Variants in FER observed in about 807,000 individuals in gnomAD.
FER encodes the protein tyrosine-protein kinase Fer.
In FER, 63 loss-of-function variants were observed where a neutral mutation model predicts 111.0. The ratio of observed to expected loss-of-function variants is 0.57; its 90% confidence interval spans 0.46 to 0.70. The LOEUF is 0.70. Among genes scored for constraint, FER ranks in the 30% least tolerant of loss-of-function variants. The pLI, the probability that FER is intolerant of heterozygous loss-of-function variation, is 0.00. For synonymous variants in FER, 327 were observed against 313.9 expected, an observed-to-expected ratio of 1.04 and a Z score of -0.44; for missense variants, 914 against 954.0, an observed-to-expected ratio of 0.96 and a Z score of 0.55.
intron 1 of FER, among the ~76,000 whole-genome samples, chr5:108,754,406 CAAAAAAA>C (rs34475850): frequency 2.3e-5 from 2 of 86,536 alleles, no homozygotes; most frequent in East Asian, 5.2e-4. Context: ...GTCCCTGTCT[CAAAAAAA>C]AAAAAAAAAA....
intron 2 of FER, among the ~76,000 whole-genome samples, chr5:108,790,016 C>T (rs1231254085): frequency 6.6e-6 from 1 of 152,110 alleles, no homozygotes; most frequent in Admixed American, 6.6e-5. Context: ...ATATCAGATA[C>T]AGTTTTTTTT....
chr5:108,858,785 T>C (rs1257292116), intron 5 of FER, among the ~76,000 whole-genome samples: 2 of 139,554 alleles, frequency 1.4e-5, no homozygotes, highest in Non-Finnish European at 3.1e-5. Context: ...TTTTTTTTTT[T>C]CTGTCCTCAC....
chr5:108,877,251 T>G (rs1239582698), intron 8 of FER, among the ~76,000 whole-genome samples: 4 of 152,216 alleles, frequency 2.6e-5, no homozygotes. Flanking sequence ...ATATACAGTA[T>G]TATAATTTGC....
intron 13 of FER, among the ~76,000 whole-genome samples, chr5:108,992,625 G>A (rs1197908133): frequency 3.4e-5 from 5 of 147,770 alleles, no homozygotes; most frequent in African/African-American, 9.8e-5. Context: ...CTGGCCGGGC[G>A]GGGGGCTGAC....
intron 2 of FER, among the ~76,000 whole-genome samples, chr5:108,790,235 CCACACACACACACACACACA>C (rs66805209): frequency 6.9e-6 from 1 of 145,094 alleles, no homozygotes; most frequent in African/African-American, 2.6e-5. Flanking sequence ...TGCATACACA[CCACACACACACACACACACA>C]CACACACACA....
chr5:109,026,095 T>C (rs914263268), intron 13 of FER, among the ~76,000 whole-genome samples: 1 of 152,212 alleles, frequency 6.6e-6, no homozygotes, highest in African/African-American at 2.4e-5. Flanking sequence ...AGCCTTTTGT[T>C]CAGTTAATAC....
intron 3 of FER, among the ~76,000 whole-genome samples, chr5:108,805,927 A>G (rs1580642136): frequency 6.6e-6 from 1 of 152,234 alleles, no homozygotes; most frequent in African/African-American, 2.4e-5. Context: ...AGAAATTTGC[A>G]TAAGTAACAA....
At chr5:108,877,391 G>A (rs1219878437) in intron 8 of FER, among the ~76,000 whole-genome samples, 1 of 152,226 alleles carries the variant, frequency 6.6e-6, no homozygotes, top group Non-Finnish European at 1.5e-5. Flanking sequence ...GAAGAAAGCA[G>A]ATGGATTTGT....
Position 109,089,009 on chromosome 5 carries a change from G to T in FER, c.1925-11387G>T, listed in dbSNP as rs185266890. Among the ~76,000 whole-genome samples, 154 of 152,318 alleles carry T rather than the reference G, an allele frequency of 1.0e-3. No homozygotes were observed. The East Asian group carries it at 0.022, about 22-fold the overall frequency. The stretch of plus-strand genomic sequence containing the variant: ...ATAGGCTACCCTAGATTTCTGAGGA[G>T]TGATTTTCAAATGTGTATAATATAA... On this transcript the variant is annotated intron_variant, in intron 16 of 19. Coordinates refer to ENST00000281092, the MANE Select transcript of FER (RefSeq NM_005246.4).
chr5:108,795,284 C>T (rs1261452606), intron 2 of FER, among the ~76,000 whole-genome samples: 2 of 152,118 alleles, frequency 1.3e-5, no homozygotes, highest in African/African-American at 4.8e-5. Context: ...GTGATTGTGC[C>T]ACTGTACTCT....
At chr5:109,165,418 G>T (rs1357697723) in intron 17 of FER, among the ~76,000 whole-genome samples, 3 of 152,108 alleles carry the variant, frequency 2.0e-5, no homozygotes, top group African/African-American at 7.2e-5. Context: ...GCATTTGCTG[G>T]CGCCAGAGGT....
chr5:109,183,248 G>GTTTTTTTTTT lies in FER; in HGVS notation c.2203+2356_2203+2365dup, dbSNP rs10682212. On this transcript the variant is annotated intron_variant, in intron 18 of 19. Transcript: ENST00000281092. The stretch of plus-strand genomic sequence containing the variant: ...GAAGATTGACTCTAAATCCTAGCGT[G>GTTTTTTTTTT]TTTTTTTTTTTTTTTTTTGAGATGG... Among the ~76,000 whole-genome samples, 51 of 115,664 alleles carry GTTTTTTTTTT rather than the reference G, an allele frequency of 4.4e-4. 1 individual carries two copies. Among genetic ancestry groups the GTTTTTTTTTT allele is most frequent in the African/African-American group, 1.5e-3 (44 of 29,804 alleles). The allele number at this position is 115,664 out of a possible 152,430, so 75.9% of individuals were successfully genotyped here.
At chr5:108,987,987 A>C (rs1193248590) in intron 13 of FER, among the ~76,000 whole-genome samples, 1 of 152,088 alleles carries the variant, frequency 6.6e-6, no homozygotes, top group Non-Finnish European at 1.5e-5. Context: ...AGTATTGCTG[A>C]GGGTGTTAAT....
intron 13 of FER, among the ~76,000 whole-genome samples, chr5:109,003,438 G>C (rs1247328524): frequency 6.6e-6 from 1 of 152,128 alleles, no homozygotes; most frequent in Non-Finnish European, 1.5e-5. Context: ...GACACAGGAA[G>C]GGGAACATCA....
intron 5 of FER, among the ~76,000 whole-genome samples, chr5:108,841,214 C>G (rs1394062326): frequency 6.6e-6 from 1 of 152,180 alleles, no homozygotes; most frequent in Non-Finnish European, 1.5e-5. Flanking sequence ...AGGGCTGTCA[C>G]TTTACTAGGT....
chr5:109,146,253 A>AATATATATATATATTATCTATCTAAT (rs1754142262), intron 17 of FER, among the ~76,000 whole-genome samples: 9 of 42,126 alleles, frequency 2.1e-4, no homozygotes, highest in African/African-American at 6.3e-4. Context: ...TAATCTATCT[A>AATATATATATATATTATCTATCTAAT]ATATATATAT....
At chr5:108,770,843 G>A (rs993049739) in intron 2 of FER, among the ~76,000 whole-genome samples, 7 of 152,066 alleles carry the variant, frequency 4.6e-5, no homozygotes, top group South Asian at 2.1e-4. Context: ...TATTTCAGGT[G>A]CAAAGTGAAA....
At position 109,192,128 on chromosome 5, in the gene FER, G is replaced by A. The variant is rs985925153; in HGVS notation, c.*4553G>A. ...TCTTGGGTGGCAGAAAAATCCTGGT[G>A]TGCTAGATTCTTAGTCACTTTAAAC... On this transcript the variant is annotated 3_prime_UTR_variant, in exon 20 of 20. Coordinates refer to ENST00000281092, the MANE Select transcript of FER (RefSeq NM_005246.4). The A allele has an allele frequency of 6.6e-6, 1 of 152,196 alleles. No individual in the cohort carries two copies. Among genetic ancestry groups the A allele is most frequent in the Non-Finnish European group, 1.5e-5 (1 of 68,028 alleles). 9.4% of individuals were successfully genotyped at this position (152,196 alleles called of 1,614,324 possible).
rs1048960154 is a variant in FER at position 108,835,188 on chromosome 5, C to G, written c.382-520C>G. ...TGTTATTTCTTCGTTTGCGCCACCC[C>G]CCCCCCCCCACTTTTTTTTTGAGTC... On this transcript the variant is annotated intron_variant, in intron 4 of 19. Coordinates refer to ENST00000281092, the MANE Select transcript of FER (RefSeq NM_005246.4). 2.7e-5 allele frequency among the ~76,000 whole-genome samples: 3 copies of G among 109,230 alleles called. 1 individual carries two copies. The highest frequency in any genetic ancestry group is 5.6e-5 in the Non-Finnish European group (3 of 53,164). 71.7% of individuals were successfully genotyped at this position (109,230 alleles called of 152,430 possible). A position where few individuals can be genotyped will look rare whatever the true frequency, so the allele number is the denominator to read the frequency against.
Sources: allele counts gnomAD v4.1 joint callset (sites outside exome capture counted in the v4.1 genomes callset), GRCh38; gene constraint gnomAD v4.1.1; transcripts MANE v1.5; gene names NCBI Gene and HGNC (gene_info 2026-07-23, HGNC 2026-07-21).